The following DROSHA variants were observed in gnomAD, a reference collection of about 807,000 sequenced individuals.
DROSHA encodes the protein ribonuclease 3.
DROSHA carries 56 observed loss-of-function variants against 181.9 expected under a neutral mutation model. That is an observed-to-expected ratio of 0.31 (90% CI 0.25 to 0.38). The LOEUF is 0.38. Ranked by LOEUF, DROSHA falls within the 10% of genes least tolerant of loss-of-function variation. The probability of loss-of-function intolerance (pLI) is 1.00; values close to 1 mark genes in which losing one functional copy is unlikely to be tolerated. For synonymous variants in DROSHA, 524 were observed against 591.2 expected, an observed-to-expected ratio of 0.89 and a Z score of 1.65; for missense variants, 1,218 against 1,743.5, an observed-to-expected ratio of 0.70 and a Z score of 5.37.
chr5:31,504,313 C>T (rs1399583077), intron 11 of DROSHA, among the ~76,000 whole-genome samples: 1 of 152,128 alleles, frequency 6.6e-6, no homozygotes, highest in Non-Finnish European at 1.5e-5. Flanking sequence ...CCATATCAAA[C>T]ACACCATGCC....
At chr5:31,492,600 T>G (rs1752546559) in intron 13 of DROSHA, among the ~76,000 whole-genome samples, 1 of 152,204 alleles carries the variant, frequency 6.6e-6, no homozygotes, top group African/African-American at 2.4e-5. Flanking sequence ...TACATCCAAC[T>G]GCAATATGAA....
chr5:31,440,248 C>T (rs1745401812), intron 23 of DROSHA, among the ~76,000 whole-genome samples: 2 of 152,188 alleles, frequency 1.3e-5, no homozygotes, highest in African/African-American at 4.8e-5. Flanking sequence ...CCATCCCACC[C>T]TCATTTCCAT....
Position 31,470,620 on chromosome 5 carries a change from G to A in DROSHA, c.2241+1443C>T, listed in dbSNP as rs1749620953. Among the ~76,000 whole-genome samples, 2 of 152,122 alleles carry A rather than the reference G, an allele frequency of 1.3e-5. No homozygotes were observed. Among genetic ancestry groups the A allele is most frequent in the African/African-American group, 2.4e-5 (1 of 41,432 alleles). Reference sequence around the variant, plus strand: ...CAAGCAGTGAGAAAATCAAACGTTTGAGGATTTTTTTTTAACTACAGAAAA... The same window carrying A: ...CAAGCAGTGAGAAAATCAAACGTTTAAGGATTTTTTTTTAACTACAGAAAA... On this transcript the variant is annotated intron_variant, in intron 17 of 35. Transcript: ENST00000344624. This position sits in a 1 kb window ranked among gnomAD's most constrained non-coding sequence, Gnocchi z 4.0.
intron 6 of DROSHA, among the ~76,000 whole-genome samples, chr5:31,519,733 T>C (rs1018565986): frequency 3.9e-5 from 6 of 152,280 alleles, no homozygotes; most frequent in African/African-American, 7.2e-5. Context: ...ATATTTCTAG[T>C]TTACTAGTTT....
chr5:31,443,580 G>A (rs1745912759), intron 23 of DROSHA, among the ~76,000 whole-genome samples: 1 of 152,154 alleles, frequency 6.6e-6, no homozygotes, highest in Non-Finnish European at 1.5e-5. Context: ...TGGTTAAACA[G>A]TGACATTTTA....
chr5:31,407,798 C>G (rs1740832913), intron 33 of DROSHA, among the ~76,000 whole-genome samples: 1 of 152,112 alleles, frequency 6.6e-6, no homozygotes, highest in Non-Finnish European at 1.5e-5. Flanking sequence ...GAAGGTAGTA[C>G]TATTACAGTA....
chr5:31,522,451 T>C (rs1408021379), intron 5 of DROSHA, among the ~76,000 whole-genome samples: 2 of 121,982 alleles, frequency 1.6e-5, no homozygotes, highest in Non-Finnish European at 2.0e-5. Context: ...ATATTTCTAA[T>C]ATATTTTTTT....
intron 12 of DROSHA, among the ~76,000 whole-genome samples, chr5:31,494,982 C>T (rs1385459005): frequency 6.6e-6 from 1 of 152,142 alleles, no homozygotes; most frequent in Admixed American, 6.6e-5. Context: ...CCACCATTCA[C>T]TAATTTTCAA....
At chr5:31,443,460 G>A (rs940638771) in intron 23 of DROSHA, among the ~76,000 whole-genome samples, 7 of 151,900 alleles carry the variant, frequency 4.6e-5, no homozygotes, top group African/African-American at 1.7e-4. Flanking sequence ...ATAATACGTC[G>A]ATTACTTGAA....
chr5:31,461,385 C>T (rs1043721126), intron 20 of DROSHA, among the ~76,000 whole-genome samples: 1 of 152,116 alleles, frequency 6.6e-6, no homozygotes, highest in African/African-American at 2.4e-5. Context: ...GTGGCAAAAA[C>T]TCTTAGTTAA....
chr5:31,517,487 T>C (rs1739391776), intron 6 of DROSHA, among the ~76,000 whole-genome samples: 1 of 152,192 alleles, frequency 6.6e-6, no homozygotes, highest in Non-Finnish European at 1.5e-5. Context: ...CAATTTTTCC[T>C]CCAAATGGCT....
intron 5 of DROSHA, among the ~76,000 whole-genome samples, chr5:31,523,208 T>G (rs1740100957): frequency 6.6e-6 from 1 of 152,214 alleles, no homozygotes; most frequent in Admixed American, 6.5e-5. Flanking sequence ...ACCTAATTAA[T>G]ATCCCAAAGG....
At chr5:31,513,488 G>A (rs2150055861) in intron 8 of DROSHA, among the ~76,000 whole-genome samples, 1 of 152,280 alleles carries the variant, frequency 6.6e-6, no homozygotes, top group Non-Finnish European at 1.5e-5. Context: ...TGAGAAGCAT[G>A]GAATAACATT....
intron 35 of DROSHA, among the ~76,000 whole-genome samples, chr5:31,404,422 C>T (rs1342504902): frequency 2.0e-5 from 3 of 152,148 alleles, no homozygotes; most frequent in Non-Finnish European, 2.9e-5. Context: ...CACTAAACTC[C>T]CTGCCCCTGA....
At position 31,464,340 on chromosome 5, in the gene DROSHA, C is replaced by A; in HGVS notation, c.2470G>T (p.Ala824Ser). ...TTCTTCTGCCGTATTTTTTGGAGGG[C>A]TTCCTAGAAAAGAATTCATTATGAT... Reference protein sequence around the residue: ...DKQKLAQREEALQKIRQKNTM... With the variant: ...DKQKLAQREESLQKIRQKNTM... The change falls in exon 20 of 36, where the codon GCC becomes TCC. Residue 824 changes from alanine to serine, a missense_variant. By Grantham distance (99) the Ala-to-Ser change is moderately conservative. This residue lies in a region of DROSHA where 460 missense variants were observed against 774.2 expected (regional missense o/e 0.59). Transcript: ENST00000344624. 1 of 1,612,596 alleles carries A rather than the reference C, an allele frequency of 6.2e-7. No individual in the cohort carries two copies. Among genetic ancestry groups the A allele is most frequent in the South Asian group, 1.1e-5 (1 of 90,990 alleles).
rs534297889 is a variant in DROSHA at position 31,436,335 on chromosome 5, C to A, written c.2943-471G>T. On this transcript the variant is annotated intron_variant, in intron 24 of 35. Transcript: ENST00000344624. ...TTCCAAGAGAAGCATGTATTGTCTC[C>A]CTTTAAAAGAGAAATTGTGTCAGTA... Among the ~76,000 whole-genome samples the A allele has an allele frequency of 4.6e-5, 7 of 151,622 alleles. No homozygotes were observed. In the South Asian group the frequency reaches 1.5e-3, roughly 32 times the overall value.
At chr5:31,421,871 C>CAAAAAAAAAAAAAAAAA (rs70955711) in intron 29 of DROSHA, 3 of 25,466 alleles carry the variant, frequency 1.2e-4, no homozygotes, top group African/African-American at 2.1e-4. Context: ...CCCATCTCTA[C>CAAAAAAAAAAAAAAAAA]AAAAAAAAAA....
chr5:31,502,803 G>A (rs1028884482), intron 11 of DROSHA, among the ~76,000 whole-genome samples: 1 of 152,220 alleles, frequency 6.6e-6, no homozygotes, highest in Admixed American at 6.5e-5. Context: ...GCCTCACTCT[G>A]GGATGGCTCT....
chr5:31,473,290 T>C (rs1354035370), intron 16 of DROSHA, among the ~76,000 whole-genome samples: 1 of 152,198 alleles, frequency 6.6e-6, no homozygotes, highest in Non-Finnish European at 1.5e-5. Context: ...TGTGAATTGC[T>C]GTGGGCTAAG....
Sources: gnomAD v4.1 joint callset for allele counts (sites outside exome capture counted in the v4.1 genomes callset) on GRCh38, gnomAD v4.1.1 for gene constraint, gnomAD v4.1.1 regional missense constraint, Gnocchi (gnomAD v3.1) non-coding constraint, MANE v1.5 for transcripts, NCBI Gene and HGNC (gene_info 2026-07-23, HGNC 2026-07-21) for gene names.